SLC3A1: variants seen among roughly 807,000 people sequenced by gnomAD.
SLC3A1 encodes the protein solute carrier family 3 member 1.
SLC3A1 carries 78 observed loss-of-function variants against 60.3 expected under a neutral mutation model. The ratio of observed to expected loss-of-function variants is 1.29; its 90% confidence interval spans 1.08 to 1.56. SLC3A1 has a LOEUF of 1.56. Among genes scored for constraint, SLC3A1 ranks in the 40% most tolerant of loss-of-function variants. SLC3A1 has a pLI of 0.00. For missense variants in SLC3A1, 1,172 were observed against 858.9 expected (o/e 1.36, Z -4.56); for synonymous variants, 392 against 307.9 (o/e 1.27, Z -2.86).
rs975042423 is a variant in SLC3A1, at chr2:44,275,638, C to A, written c.103C>A (p.Pro35Thr). Residue 35 changes from proline (P) to threonine (T), a missense_variant, in exon 1 of 10, where the codon CCG (proline) becomes ACG (threonine). Pro to Thr is a conservative substitution (Grantham distance 38, BLOSUM62 -1). Transcript: ENST00000260649. The stretch of plus-strand genomic sequence containing the variant: ...TAATGAAGACATTCTGGAGCAGACC[C>A]CGGATCCAGGAAGCTCAACAGACAA... Reference protein sequence around the residue: ...VHNEDILEQTPDPGSSTDNLK... With the variant: ...VHNEDILEQTTDPGSSTDNLK... 2 of 1,614,022 alleles carry A rather than the reference C, an allele frequency of 1.2e-6. No homozygotes were observed. Among genetic ancestry groups the A allele is most frequent in the African/African-American group, 2.7e-5 (2 of 74,946 alleles).
chr2:44,287,283 CCTT>C lies in SLC3A1; in HGVS notation c.891+1130_891+1132del, dbSNP rs1188206585. Among the ~76,000 whole-genome samples, 6 of 152,064 alleles carry C rather than the reference CCTT, an allele frequency of 3.9e-5. No individual in the cohort carries two copies. In the South Asian group the frequency reaches 1.2e-3, roughly 32 times the overall value. ...TTCTATATAAAGTGTGTAGGAGACA[CCTT>C]CTTATGATGAGATGCTGTTTGGACA... On this transcript the variant is annotated intron_variant, in intron 4 of 9. Coordinates refer to ENST00000260649, the MANE Select transcript of SLC3A1 (RefSeq NM_000341.4).
chr2:44,295,911 A>C (rs549509453), intron 4 of SLC3A1, among the ~76,000 whole-genome samples: 71 of 152,332 alleles, frequency 4.7e-4, no homozygotes, highest in Admixed American at 1.0e-3. Flanking sequence ...GTGTGGACCC[A>C]GGTTGCGCGG....
chr2:44,301,575 C>G (rs1453724550), intron 6 of SLC3A1, among the ~76,000 whole-genome samples: 1 of 151,806 alleles, frequency 6.6e-6, no homozygotes, highest in Non-Finnish European at 1.5e-5. Context: ...CCCATCTCTA[C>G]TAAAAATACA....
chr2:44,301,191 C>G (rs763419519), intron 6 of SLC3A1, 64 bp downstream of exon 6: 6 of 1,594,506 alleles, frequency 3.8e-6, no homozygotes, highest in Non-Finnish European at 5.2e-6. Context: ...GTGTATCCCT[C>G]ACAACCAAGT....
chr2:44,322,194 C>G (rs1005284978), downstream of SLC3A1, among the ~76,000 whole-genome samples: 1 of 152,082 alleles, frequency 6.6e-6, no homozygotes, highest in African/African-American at 2.4e-5. Flanking sequence ...GAGTCTTATG[C>G]CCTGGAAACA....
chr2:44,303,870 G>A (rs1672082186), intron 6 of SLC3A1: 1 of 579,180 alleles, frequency 1.7e-6, no homozygotes, highest in Non-Finnish European at 3.1e-6. Flanking sequence ...TTAGAATGAT[G>A]GTTTCCAGCT....
downstream of SLC3A1, among the ~76,000 whole-genome samples, chr2:44,322,199 G>C (rs1196990677): frequency 6.6e-6 from 1 of 152,114 alleles, no homozygotes; most frequent in South Asian, 2.1e-4. Context: ...TTATGCCCTG[G>C]AAACACCAAC....
rs867692102 is a variant in SLC3A1, at chr2:44,300,998, C to G, written c.1012-5C>G. ...AGGGTAACCATGTCGTCCTGGTTTT[C>G]AAAGGACACGGTCACACAATACTCG... On this transcript the variant is annotated splice_region_variant and splice_polypyrimidine_tract_variant and intron_variant, in intron 5 of 9. Transcript: ENST00000260649. 2 of 1,613,928 alleles carry G rather than the reference C, an allele frequency of 1.2e-6. No homozygotes were observed. The highest frequency in any genetic ancestry group is 1.7e-6 in the Non-Finnish European group (2 of 1,180,026).
intron 6 of SLC3A1, 197 bp from the exon 7 acceptor site, chr2:44,303,942 GGTGT>G (rs1672084379): frequency 7.7e-6 from 5 of 649,954 alleles, no homozygotes; most frequent in Admixed American, 4.4e-5. Context: ...AGTATTCCAT[GGTGT>G]GTATGTGCCA....
chr2:44,276,968 A>T (rs1572787016), intron 1 of SLC3A1, among the ~76,000 whole-genome samples: 2 of 152,200 alleles, frequency 1.3e-5, no homozygotes, highest in East Asian at 3.8e-4. Flanking sequence ...ACAAAACAGG[A>T]TGATATGAAT....
intron 1 of SLC3A1, 150 bp downstream of exon 1, chr2:44,276,115 C>G: frequency 1.3e-6 from 1 of 755,106 alleles, no homozygotes; most frequent in South Asian, 1.5e-5. Context: ...TTATGATATT[C>G]TTAGAAAATC....
At position 44,301,315 on chromosome 2, in the gene SLC3A1, T is replaced by G. The variant is rs543912012; in HGVS notation, c.1136+188T>G. 8.3e-6 allele frequency: 6 copies of G among 727,138 alleles called. No homozygotes were observed. The African/African-American group carries it at 1.0e-4, about 13-fold the overall frequency. 45.0% of individuals were successfully genotyped at this position (727,138 alleles called of 1,614,324 possible). On this transcript the variant is annotated intron_variant, in intron 6 of 9. Coordinates refer to ENST00000260649, the MANE Select transcript of SLC3A1 (RefSeq NM_000341.4). ...TCCTGTTTGCTTATTTTGCTGACTTTCAGTTTCCTCTTTTGTAAAATGATG... is the reference window on the plus strand; with the variant it reads ...TCCTGTTTGCTTATTTTGCTGACTTGCAGTTTCCTCTTTTGTAAAATGATG...
chr2:44,320,720 C>CATGAAGCTA lies in SLC3A1; in HGVS notation c.*81_*82insATGAAGCTA. The CATGAAGCTA allele has an allele frequency of 1.9e-6, 2 of 1,058,914 alleles. No homozygotes were observed. The highest frequency in any genetic ancestry group is 2.9e-6 in the Non-Finnish European group (2 of 679,608). 65.6% of individuals were successfully genotyped at this position (1,058,914 alleles called of 1,614,324 possible). On this transcript the variant is annotated 3_prime_UTR_variant, in exon 10 of 10. Coordinates refer to ENST00000260649, the MANE Select transcript of SLC3A1 (RefSeq NM_000341.4). Reference sequence around the variant, plus strand: ...TAATAGCTTCATGTACAGCATGCTGCTTGGTGAACAATCATTAATTCTTCG... The same window carrying CATGAAGCTA: ...TAATAGCTTCATGTACAGCATGCTGCATGAAGCTATTGGTGAACAATCATTAATTCTTCG...
chr2:44,288,750 A>G (rs1484828092), intron 4 of SLC3A1, among the ~76,000 whole-genome samples: 1 of 152,232 alleles, frequency 6.6e-6, no homozygotes, highest in Non-Finnish European at 1.5e-5. Flanking sequence ...GACGTTGAAC[A>G]TCTTTTTATG....
intron 9 of SLC3A1, chr2:44,319,352 G>T (rs1189346239): frequency 6.6e-6 from 1 of 152,542 alleles, no homozygotes; most frequent in African/African-American, 2.4e-5. Context: ...CAAAGTAACT[G>T]TCTTTCTGAT....
In SLC3A1 at chr2:44,275,843, C is replaced by T; in HGVS notation, c.308C>T (p.Ala103Val). Residue 103 changes from alanine (A) to valine (V), a missense_variant, in exon 1 of 10, where the codon GCC (alanine) becomes GTC (valine). By Grantham distance (64) the Ala-to-Val change is moderately conservative. Coordinates refer to ENST00000260649, the MANE Select transcript of SLC3A1 (RefSeq NM_000341.4). ...GCTTCTGTGCTGGTGCTCATCGCGG[C>T]CACCATAGCCATCATTGCCCTCTCT... ...TVASVLVLIA[A>V]TIAIIALSPK... 1 of 1,614,254 alleles carries T rather than the reference C, an allele frequency of 6.2e-7. No homozygotes were observed. The highest frequency in any genetic ancestry group is 8.5e-7 in the Non-Finnish European group (1 of 1,180,048).
At chr2:44,297,232 A>T (rs755188549) in intron 4 of SLC3A1, among the ~76,000 whole-genome samples, 24 of 152,200 alleles carry the variant, frequency 1.6e-4, no homozygotes, top group Non-Finnish European at 3.4e-4. Flanking sequence ...AAAAGTAGGG[A>T]GAGCCACTGT....
intron 9 of SLC3A1, chr2:44,318,966 A>G (rs1211121021): frequency 6.6e-6 from 1 of 152,258 alleles, no homozygotes; most frequent in Non-Finnish European, 1.5e-5. Flanking sequence ...ATACTTTTAG[A>G]AAGTAGTAAC....
At chr2:44,290,088 A>G (rs1671708285) in intron 4 of SLC3A1, among the ~76,000 whole-genome samples, 2 of 144,020 alleles carry the variant, frequency 1.4e-5, no homozygotes, top group Admixed American at 1.4e-4. Context: ...ATTTTTTGTT[A>G]ATTTTTATAT....
Sources: gnomAD v4.1 joint callset for allele counts (sites outside exome capture counted in the v4.1 genomes callset) on GRCh38, gnomAD v4.1.1 for gene constraint, MANE v1.5 for transcripts, NCBI Gene and HGNC (gene_info 2026-07-23, HGNC 2026-07-21) for gene names.